The following INSIG2 variants were observed in gnomAD, a reference collection of about 807,000 sequenced individuals.
The protein encoded by INSIG2 is insulin-induced gene 2 protein.
A neutral mutation model predicts 27.2 loss-of-function variants in INSIG2; 10 were observed. The observed-to-expected ratio is 0.37, with a 90% CI of 0.23 to 0.62. The LOEUF (loss-of-function observed/expected upper bound fraction) is 0.62. Ranked by LOEUF, INSIG2 falls within the 20% of genes least tolerant of loss-of-function variation. INSIG2 has a pLI of 0.65. For missense variants in INSIG2, 178 were observed against 270.2 expected (o/e 0.66, Z 2.39); for synonymous variants, 97 against 95.8 (o/e 1.01, Z -0.07).
chr2:118,092,817 G>T (rs893053951), intron 1 of INSIG2, among the ~76,000 whole-genome samples: 4 of 148,696 alleles, frequency 2.7e-5, no homozygotes, highest in Non-Finnish European at 4.5e-5. Flanking sequence ...ATGATGATGA[G>T]GAGGAGAGTT....
Position 118,108,370 on chromosome 2 carries a change from G to A in INSIG2, c.*48G>A, listed in dbSNP as rs1003849520. The A allele has an allele frequency of 1.4e-6, 2 of 1,442,394 alleles. No homozygotes were observed. Among genetic ancestry groups the A allele is most frequent in the Non-Finnish European group, 1.9e-6 (2 of 1,035,914 alleles). 89.3% of individuals were successfully genotyped at this position (1,442,394 alleles called of 1,614,324 possible). On this transcript the variant is annotated 3_prime_UTR_variant, in exon 6 of 6. Transcript: ENST00000245787. The stretch of plus-strand genomic sequence containing the variant: ...TACAGAAAAGCAAGATGAAAAGGAT[G>A]TGAAATGGTAGATATACCAACAAAA...
Position 118,106,832 on chromosome 2 carries a change from T to C in INSIG2, c.465T>C (p.Phe155=). 1.2e-6 allele frequency: 2 copies of C among 1,614,180 alleles called. No homozygotes were observed. The highest frequency in any genetic ancestry group is 1.7e-6 in the Non-Finnish European group (2 of 1,179,978). ...CTTTTGATAGATCTAGAAGTGGTTT[T>C]GGCCTTGGAGTAGGAATTGCCTTCT... The part of the protein sequence containing the change: ...WWTFDRSRSG[F]GLGVGIAFLA... Residue 155 remains phenylalanine (F), a synonymous_variant, in exon 4 of 6, where the codon TTT becomes TTC. Transcript: ENST00000245787.
Position 118,106,749 on chromosome 2 carries a change from G to C in INSIG2, c.382G>C (p.Asp128His). The C allele has an allele frequency of 6.2e-7, 1 of 1,613,046 alleles. No homozygotes were observed. The highest frequency in any genetic ancestry group is 8.5e-7 in the Non-Finnish European group (1 of 1,179,440). ...ACACTGATCTCAGAAAGTGGATTTC[G>C]ATAACAACATACAGTTGTCTCTCAC... The part of the protein sequence containing the change: ...INHASAKVDF[D>H]NNIQLSLTLA... The change falls in exon 4 of 6, where the codon GAT (aspartate) becomes CAT (histidine). Residue 128 changes from aspartate to histidine, a missense_variant. Transcript: ENST00000245787.
intron 2 of INSIG2, among the ~76,000 whole-genome samples, chr2:118,097,459 C>T (rs1486617889): frequency 1.3e-5 from 2 of 151,954 alleles, no homozygotes; most frequent in African/African-American, 2.4e-5. Context: ...TTATAAGTAC[C>T]TTAGAATAAT....
Position 118,106,779 on chromosome 2 carries a change from G to A in INSIG2, c.412G>A (p.Ala138Thr). 2 of 1,614,060 alleles carry A rather than the reference G, an allele frequency of 1.2e-6. No homozygotes were observed. Among genetic ancestry groups the A allele is most frequent in the Non-Finnish European group, 8.5e-7 (1 of 1,179,940 alleles). Residue 138 changes from alanine (A) to threonine (T), a missense_variant, in exon 4 of 6, where the codon GCT becomes ACT. Transcript: ENST00000245787. Reference protein sequence around the residue: ...DNNIQLSLTLAALSIGLWWTF... With the variant: ...DNNIQLSLTLTALSIGLWWTF... ...CAACATACAGTTGTCTCTCACACTG[G>A]CTGCACTATCCATTGGACTGTGGTG...
rs1275170883 is a variant in INSIG2, at chr2:118,107,314, A to G, written c.636+125A>G. 4 of 651,756 alleles carry G rather than the reference A, an allele frequency of 6.1e-6. No homozygotes were observed. In the East Asian group the frequency reaches 1.0e-4, roughly 17 times the overall value. 40.4% of individuals were successfully genotyped at this position (651,756 alleles called of 1,614,324 possible). On this transcript the variant is annotated intron_variant, in intron 5 of 5. Coordinates refer to ENST00000245787, the MANE Select transcript of INSIG2 (RefSeq NM_016133.4). ...TCTTTGATTGCTTTTTTGCACTTCC[A>G]TTGAAATAAATCATTTGGAAGAATT...
intron 2 of INSIG2, among the ~76,000 whole-genome samples, chr2:118,101,659 A>G (rs1331969253): frequency 2.6e-5 from 4 of 152,170 alleles, no homozygotes; most frequent in Non-Finnish European, 4.4e-5. Context: ...CTACATTTCA[A>G]CTGTTAGGGA....
At chr2:118,094,306 A>G (rs1678355279) in intron 1 of INSIG2, among the ~76,000 whole-genome samples, 1 of 147,478 alleles carries the variant, frequency 6.8e-6, no homozygotes, top group South Asian at 2.2e-4. Flanking sequence ...GCCAAAAGCA[A>G]CCAGATGATG....
chr2:118,095,663 A>G (rs1678388521), intron 1 of INSIG2, among the ~76,000 whole-genome samples: 1 of 152,164 alleles, frequency 6.6e-6, no homozygotes, highest in South Asian at 2.1e-4. Context: ...ACTCCTTAGA[A>G]TCTAGCCATT....
chr2:118,102,061 G>T (rs1558835925), intron 2 of INSIG2, among the ~76,000 whole-genome samples: 1 of 152,138 alleles, frequency 6.6e-6, no homozygotes, highest in African/African-American at 2.4e-5. Context: ...CTAATACTGG[G>T]TAGGGGGAGG....
intron 1 of INSIG2, among the ~76,000 whole-genome samples, chr2:118,093,209 A>AGATGATGAT (rs72489038): frequency 7.3e-4 from 6 of 8,200 alleles, no homozygotes; most frequent in Non-Finnish European, 8.5e-4. Context: ...AAAAGCAACC[A>AGATGATGAT]GATGATGATG....
At position 118,096,778 on chromosome 2, in the gene INSIG2, C is replaced by T. The variant is rs1678417864; in HGVS notation, c.222C>T (p.Pro74=). The change falls in exon 2 of 6, where the codon CCC becomes CCT. Residue 74 remains proline, a synonymous_variant. Coordinates refer to ENST00000245787, the MANE Select transcript of INSIG2 (RefSeq NM_016133.4). ...ASIFSSAWWV[P]PCCGTASAVI... ...TCTTTTCTTCTGCATGGTGGGTACC[C>T]CCATGCTGTGGCACGGCTTCAGGTA... 8 of 1,613,386 alleles carry T rather than the reference C, an allele frequency of 5.0e-6. No individual in the cohort carries two copies. Among genetic ancestry groups the T allele is most frequent in the Middle Eastern group, 1.7e-4 (1 of 6,060 alleles).
At position 118,108,579 on chromosome 2, in the gene INSIG2, A is replaced by G. The variant is rs1678734768; in HGVS notation, c.*257A>G. The G allele has an allele frequency of 6.5e-6, 2 of 307,512 alleles. No individual in the cohort carries two copies. The highest frequency in any genetic ancestry group is 1.8e-4 in the South Asian group (2 of 11,380). The allele number at this position is 307,512 out of a possible 1,614,324, so 19.0% of individuals were successfully genotyped here. On this transcript the variant is annotated 3_prime_UTR_variant, in exon 6 of 6. Transcript: ENST00000245787. ...GTAAGATATATATGTACTACATTAAAAAGTGTTGATTAATAGATGAAATTT... is the reference window on the plus strand; with the variant it reads ...GTAAGATATATATGTACTACATTAAGAAGTGTTGATTAATAGATGAAATTT...
chr2:118,096,367 C>T (rs1678403914), intron 1 of INSIG2, 52 bp from the exon 2 acceptor site: 1 of 489,940 alleles, frequency 2.0e-6, no homozygotes, highest in Non-Finnish European at 3.6e-6. Context: ...AGTAAAATTA[C>T]AATAATCATG....
chr2:118,096,284 G>C (rs1355290753), intron 1 of INSIG2, 135 bp from the exon 2 acceptor site: 1 of 294,942 alleles, frequency 3.4e-6, no homozygotes, highest in Non-Finnish European at 6.2e-6. Context: ...ATAACTGTTA[G>C]TAATTTGAAT....
chr2:118,109,839 A>G lies in INSIG2; in HGVS notation c.*1517A>G, dbSNP rs2104544898. The G allele has an allele frequency of 6.6e-6, 1 of 152,466 alleles. No individual in the cohort carries two copies. Among genetic ancestry groups the G allele is most frequent in the African/African-American group, 2.4e-5 (1 of 41,472 alleles). 9.4% of individuals were successfully genotyped at this position (152,466 alleles called of 1,614,324 possible). A position where few individuals can be genotyped will look rare whatever the true frequency, so the allele number is the denominator to read the frequency against. ...ACAATCTTAACTATCGTGGTGGAAA[A>G]CATACTACTATAATTTATTATTATA... is the stretch of plus-strand genomic sequence containing the variant. On this transcript the variant is annotated 3_prime_UTR_variant, in exon 6 of 6. Transcript: ENST00000245787.
chr2:118,096,749 A>G lies in INSIG2; in HGVS notation c.193A>G (p.Ser65Gly), dbSNP rs775687117. 4 of 1,613,890 alleles carry G rather than the reference A, an allele frequency of 2.5e-6. No individual in the cohort carries two copies. Among genetic ancestry groups the G allele is most frequent in the Non-Finnish European group, 3.4e-6 (4 of 1,180,008 alleles). Reference sequence around the variant, plus strand: ...GCTCTTTCCACCTGATGTGATTGCAAGCATCTTTTCTTCTGCATGGTGGGT... The same window carrying G: ...GCTCTTTCCACCTGATGTGATTGCAGGCATCTTTTCTTCTGCATGGTGGGT... ...VTLFPPDVIA[S>G]IFSSAWWVPP... is the part of the protein sequence containing the mutation. The change falls in exon 2 of 6, where the codon AGC becomes GGC. Residue 65 changes from serine to glycine, a missense_variant. Coordinates refer to ENST00000245787, the MANE Select transcript of INSIG2 (RefSeq NM_016133.4).
rs937518213 is a variant in INSIG2, at chr2:118,109,974, T to G, written c.*1652T>G. 6.6e-6 allele frequency: 1 copy of G among 152,636 alleles called. No homozygotes were observed. The highest frequency in any genetic ancestry group is 1.5e-5 in the Non-Finnish European group (1 of 68,042). The allele number at this position is 152,636 out of a possible 1,614,324, so 9.5% of individuals were successfully genotyped here. A position where few individuals can be genotyped will look rare whatever the true frequency, so the allele number is the denominator to read the frequency against. On this transcript the variant is annotated 3_prime_UTR_variant, in exon 6 of 6. Coordinates refer to ENST00000245787, the MANE Select transcript of INSIG2 (RefSeq NM_016133.4). ...GTTATAAGGTCTATGATGTGTTTACTTTAAAAATTGCTGTTAAAAGCAACA... is the reference window on the plus strand; with the variant it reads ...GTTATAAGGTCTATGATGTGTTTACGTTAAAAATTGCTGTTAAAAGCAACA...
chr2:118,102,124 C>T (rs1573575071), intron 2 of INSIG2, among the ~76,000 whole-genome samples: 1 of 152,222 alleles, frequency 6.6e-6, no homozygotes, highest in Non-Finnish European at 1.5e-5. Flanking sequence ...CATGATTCCT[C>T]TTAAGTGGTA....
Sources: allele counts gnomAD v4.1 joint callset (sites outside exome capture counted in the v4.1 genomes callset), GRCh38; gene constraint gnomAD v4.1.1; transcripts MANE v1.5; gene names NCBI Gene and HGNC (gene_info 2026-07-23, HGNC 2026-07-21).